The following PPFIA1 variants were observed in gnomAD, a reference collection of about 807,000 sequenced individuals.
PPFIA1 encodes the protein PPFI scaffold protein A1.
In PPFIA1, 25 loss-of-function variants were observed where a neutral mutation model predicts 149.9. The observed-to-expected ratio is 0.17, with a 90% CI of 0.12 to 0.23. The LOEUF (loss-of-function observed/expected upper bound fraction) is 0.23. Among genes scored for constraint, PPFIA1 ranks in the 10% least tolerant of loss-of-function variants. The probability of loss-of-function intolerance (pLI) is 1.00; values close to 1 mark genes in which losing one functional copy is unlikely to be tolerated. For synonymous variants in PPFIA1, 549 were observed against 552.8 expected (o/e 0.99, Z 0.10); for missense variants, 1,362 against 1,506.5 (o/e 0.90, Z 1.59).
At chr11:70,288,218 G>A (rs1488987141) in intron 2 of PPFIA1, among the ~76,000 whole-genome samples, 1 of 151,932 alleles carries the variant, frequency 6.6e-6, no homozygotes, top group Non-Finnish European at 1.5e-5. Context: ...GCTTACAGGT[G>A]CCGCCACCAT....
intron 9 of PPFIA1, among the ~76,000 whole-genome samples, chr11:70,332,819 T>C (rs563196753): frequency 6.4e-4 from 97 of 152,224 alleles, no homozygotes; most frequent in African/African-American, 2.3e-3. Flanking sequence ...TCGTCCTGAG[T>C]CTTCTTGCTC....
intron 2 of PPFIA1, among the ~76,000 whole-genome samples, chr11:70,277,320 C>T (rs2050470824): frequency 6.6e-6 from 1 of 151,756 alleles, no homozygotes; most frequent in Admixed American, 6.6e-5. Context: ...CTTTTAGCTG[C>T]ATCTTACAAG....
chr11:70,356,510 C>T (rs1214119248), intron 19 of PPFIA1, among the ~76,000 whole-genome samples: 1 of 152,214 alleles, frequency 6.6e-6, no homozygotes, highest in Non-Finnish European at 1.5e-5. Flanking sequence ...TTGGACTCAG[C>T]TGCCTGAGCA....
At position 70,372,579 on chromosome 11, in the gene PPFIA1, G is replaced by A. The variant is rs2057318207; in HGVS notation, c.3139+5G>A. 1 of 1,598,676 alleles carries A rather than the reference G, an allele frequency of 6.3e-7. No individual in the cohort carries two copies. Among genetic ancestry groups the A allele is most frequent in the East Asian group, 2.2e-5 (1 of 44,792 alleles). On this transcript the variant is annotated splice_donor_5th_base_variant and intron_variant, in intron 23 of 27. Coordinates refer to ENST00000253925, the MANE Select transcript of PPFIA1 (RefSeq NM_003626.5). ...AAAGTCAGAGTGAAATAAAAGGTTA[G>A]TACATGACATTTAATTGATTCGGTT...
chr11:70,290,654 A>C (rs1253260820), intron 2 of PPFIA1, among the ~76,000 whole-genome samples: 1 of 152,148 alleles, frequency 6.6e-6, no homozygotes, highest in Non-Finnish European at 1.5e-5. Flanking sequence ...TCTTATTCGG[A>C]GGAGGAAATT....
At chr11:70,294,867 G>C (rs566486256) in intron 2 of PPFIA1, among the ~76,000 whole-genome samples, 2 of 151,468 alleles carry the variant, frequency 1.3e-5, no homozygotes, top group African/African-American at 2.4e-5. Context: ...CACAGGGTTG[G>C]GGGGTAAGGT....
Position 70,333,474 on chromosome 11 carries a change from A to G in PPFIA1, c.1217A>G (p.Glu406Gly). 2 of 1,612,686 alleles carry G rather than the reference A, an allele frequency of 1.2e-6. No individual in the cohort carries two copies. Among genetic ancestry groups the G allele is most frequent in the African/African-American group, 1.3e-5 (1 of 75,048 alleles). ...AQRVAALSKA[E>G]ERHGNIEERL... is the part of the protein sequence containing the mutation. Reference sequence around the variant, plus strand: ...GTACGCTGTTTCTGCTGACAGGCTGAAGAGAGACACGGCAACATTGAAGAA... The same window carrying G: ...GTACGCTGTTTCTGCTGACAGGCTGGAGAGAGACACGGCAACATTGAAGAA... The change falls in exon 10 of 28, where the codon GAA becomes GGA. Residue 406 changes from glutamate to glycine, a missense_variant. Physicochemically the swap from Glu to Gly is moderately conservative, Grantham distance 98. Coordinates refer to ENST00000253925, the MANE Select transcript of PPFIA1 (RefSeq NM_003626.5).
rs1466673186 is a variant in PPFIA1 at position 70,348,256 on chromosome 11, G to C, written c.1999G>C (p.Gly667Arg). The change falls in exon 16 of 28, where the codon GGA becomes CGA. Residue 667 changes from glycine (G) to arginine (R), a missense_variant. Coordinates refer to ENST00000253925, the MANE Select transcript of PPFIA1 (RefSeq NM_003626.5). The part of the protein sequence containing the change: ...AEEIESRVGS[G>R]SLDNLGRFRS... ...GGAGATTGAAAGTCGAGTTGGCAGT[G>C]GAAGTCTAGACAATCTTGGTCGTTT... 8 of 1,614,086 alleles carry C rather than the reference G, an allele frequency of 5.0e-6. No individual in the cohort carries two copies. The highest frequency in any genetic ancestry group is 4.0e-5 in the African/African-American group (3 of 74,926).
intron 21 of PPFIA1, among the ~76,000 whole-genome samples, chr11:70,366,214 C>G (rs1349944966): frequency 3.9e-5 from 6 of 152,110 alleles, no homozygotes; most frequent in Non-Finnish European, 8.8e-5. Flanking sequence ...ATATAGATTG[C>G]TTTGTTTAAC....
chr11:70,317,492 T>G (rs906022121), intron 2 of PPFIA1, among the ~76,000 whole-genome samples: 8 of 152,236 alleles, frequency 5.3e-5, no homozygotes, highest in Non-Finnish European at 1.0e-4. Context: ...TACCATAGAA[T>G]AGTTTTGGTA....
intron 2 of PPFIA1, among the ~76,000 whole-genome samples, chr11:70,287,436 CCT>C (rs2051219833): frequency 6.6e-6 from 1 of 151,958 alleles, no homozygotes; most frequent in Non-Finnish European, 1.5e-5. Flanking sequence ...CCGGTTTTGC[CCT>C]GTGTATACTG....
At position 70,359,900 on chromosome 11, in the gene PPFIA1, T is replaced by C. The variant is rs2056547626; in HGVS notation, c.2583-2195T>C. 2.0e-5 allele frequency among the ~76,000 whole-genome samples: 3 copies of C among 152,246 alleles called. No homozygotes were observed. In the South Asian group the frequency reaches 6.2e-4, roughly 31 times the overall value. ...GGAGTGGCTTCAGCCATCTCCAGGC[T>C]CTGGACTCTGCATCCCCTCGACACA... On this transcript the variant is annotated intron_variant, in intron 19 of 27. Transcript: ENST00000253925.
chr11:70,326,744 G>A lies in PPFIA1; in HGVS notation c.856G>A (p.Asp286Asn), dbSNP rs2054314485. ...LSSHVTELEE[D>N]LDTARKDLIK... is the part of the protein sequence containing the mutation. ...CAGTCATGTGACAGAACTGGAAGAG[G>A]ATCTGGACACGGCTAGAAAAGATCT... is the stretch of plus-strand genomic sequence containing the variant. Residue 286 changes from aspartate (D) to asparagine (N), a missense_variant, in exon 7 of 28, where the codon GAT (aspartate) becomes AAT (asparagine). Asp to Asn is a conservative substitution (Grantham distance 23). This residue lies in a region of PPFIA1 where 733 missense variants were observed against 744.1 expected (regional missense o/e 0.99). Coordinates refer to ENST00000253925, the MANE Select transcript of PPFIA1 (RefSeq NM_003626.5). 6.2e-7 allele frequency: 1 copy of A among 1,614,030 alleles called. No homozygotes were observed.
At chr11:70,308,782 C>CA (rs2053055910) in intron 2 of PPFIA1, among the ~76,000 whole-genome samples, 1 of 151,942 alleles carries the variant, frequency 6.6e-6, no homozygotes, top group African/African-American at 2.4e-5. Context: ...CAAAACAAAA[C>CA]AAAAAAACCC....
rs531896407 is a variant in PPFIA1 at position 70,271,768 on chromosome 11, T to C, written c.1-405T>C. 16 of 164,724 alleles carry C rather than the reference T, an allele frequency of 9.7e-5. 1 individual carries two copies. In the East Asian group the frequency reaches 1.7e-3, roughly 18 times the overall value. The allele number at this position is 164,724 out of a possible 1,614,324, so 10.2% of individuals were successfully genotyped here. A position where few individuals can be genotyped will look rare whatever the true frequency, so the allele number is the denominator to read the frequency against. On this transcript the variant is annotated intron_variant, in intron 1 of 27. Coordinates refer to ENST00000253925, the MANE Select transcript of PPFIA1 (RefSeq NM_003626.5). ...CTTCTGTGCTTTTCCTGAAAAATGA[T>C]TGGGTGACATGTGTTTTGACTTTCT...
chr11:70,294,366 A>G (rs943957389), intron 2 of PPFIA1, among the ~76,000 whole-genome samples: 6 of 152,104 alleles, frequency 3.9e-5, no homozygotes, highest in Non-Finnish European at 4.4e-5. Context: ...GTCAAAGGAG[A>G]GGAACACTGG....
At chr11:70,286,759 T>C (rs1424211485) in intron 2 of PPFIA1, among the ~76,000 whole-genome samples, 4 of 147,074 alleles carry the variant, frequency 2.7e-5, no homozygotes, top group Admixed American at 1.4e-4. Flanking sequence ...TCTTTCTTTT[T>C]TTTTTTTTTT....
chr11:70,352,577 C>T (rs2056115448), intron 16 of PPFIA1, among the ~76,000 whole-genome samples: 1 of 151,980 alleles, frequency 6.6e-6, no homozygotes, highest in South Asian at 2.1e-4. Flanking sequence ...GTGCAGAGTG[C>T]CAGGCCTTGT....
chr11:70,302,770 T>G (rs994225239), intron 2 of PPFIA1, among the ~76,000 whole-genome samples: 8 of 97,500 alleles, frequency 8.2e-5, no homozygotes, highest in Non-Finnish European at 1.7e-4. Context: ...CTCAACACCA[T>G]TTTTTTTTTT....
Sources: gnomAD v4.1 joint callset for allele counts (sites outside exome capture counted in the v4.1 genomes callset) on GRCh38, gnomAD v4.1.1 for gene constraint, gnomAD v4.1.1 regional missense constraint, MANE v1.5 for transcripts, NCBI Gene and HGNC (gene_info 2026-07-23, HGNC 2026-07-21) for gene names.